LRP12: variants seen among roughly 807,000 people sequenced by gnomAD.
The protein encoded by LRP12 is LDL receptor related protein 12.
LRP12 carries 14 observed loss-of-function variants against 66.0 expected under a neutral mutation model. The observed-to-expected ratio is 0.21, with a 90% CI of 0.14 to 0.33. The LOEUF (loss-of-function observed/expected upper bound fraction) is 0.33, where lower values mean the gene tolerates loss of function less well. Ranked by LOEUF, LRP12 falls within the 10% of genes least tolerant of loss-of-function variation. LRP12 has a pLI of 1.00. For missense variants in LRP12, 889 were observed against 1,053.4 expected, an observed-to-expected ratio of 0.84 and a Z score of 2.16; for synonymous variants, 357 against 359.1, an observed-to-expected ratio of 0.99 and a Z score of 0.07.
chr8:104,497,222 C>T lies in LRP12; in HGVS notation c.1330G>A (p.Asp444Asn). Residue 444 changes from aspartate to asparagine, a missense_variant, in exon 5 of 7, where the codon GAT becomes AAT. Around this residue, in one of 3 missense-constraint regions of LRP12, gnomAD observed 800 missense variants for 964.5 expected, o/e 0.83. Coordinates refer to ENST00000276654, the MANE Select transcript of LRP12 (RefSeq NM_013437.5). This position sits in a 1 kb window ranked among gnomAD's most constrained non-coding sequence, Gnocchi z 4.3. ...TGGCAAAAAAAGCAGTTTTTTTCAT[C>T]TGAGCCATTTGGGCAATGATTCTGG... ...NYQNHCPNGS[D>N]EKNCFFCQPG... 2 of 1,612,724 alleles carry T rather than the reference C, an allele frequency of 1.2e-6. No individual in the cohort carries two copies. Among genetic ancestry groups the T allele is most frequent in the Non-Finnish European group, 1.7e-6 (2 of 1,179,442 alleles).
intron 1 of LRP12, among the ~76,000 whole-genome samples, chr8:104,583,489 C>T (rs1812286649): frequency 1.3e-5 from 2 of 152,174 alleles, no homozygotes. Flanking sequence ...CCCCTAATTA[C>T]TCTGTGCCTG....
intron 2 of LRP12, among the ~76,000 whole-genome samples, chr8:104,529,805 T>G (rs908512388): frequency 6.6e-6 from 1 of 152,210 alleles, no homozygotes; most frequent in Non-Finnish European, 1.5e-5. Context: ...GATTCCACAT[T>G]GCAACTAACC....
At chr8:104,571,661 A>G (rs1812082200) in intron 1 of LRP12, among the ~76,000 whole-genome samples, 1 of 152,194 alleles carries the variant, frequency 6.6e-6, no homozygotes, top group African/African-American at 2.4e-5. Flanking sequence ...TTTCCTTTAT[A>G]AATGACCTGG....
At chr8:104,520,246 T>A (rs1009962897) in intron 2 of LRP12, among the ~76,000 whole-genome samples, 71 of 152,194 alleles carry the variant, frequency 4.7e-4, no homozygotes, top group African/African-American at 1.6e-3. Flanking sequence ...TATGCCTTTT[T>A]TAAAGGGCTT....
intron 3 of LRP12, among the ~76,000 whole-genome samples, chr8:104,500,175 A>T (rs1006591581): frequency 6.6e-6 from 1 of 152,228 alleles, no homozygotes. Context: ...ACAGAAAATT[A>T]GTCACTGCTT....
intron 1 of LRP12, among the ~76,000 whole-genome samples, chr8:104,570,849 G>A (rs1290059812): frequency 6.6e-6 from 1 of 151,964 alleles, no homozygotes; most frequent in Non-Finnish European, 1.5e-5. Flanking sequence ...AGATTCAGAG[G>A]GGGGAAAAAT....
intron 1 of LRP12, among the ~76,000 whole-genome samples, chr8:104,560,549 T>C (rs775353739): frequency 5.3e-5 from 8 of 152,192 alleles, no homozygotes; most frequent in Non-Finnish European, 7.3e-5. Context: ...TATATGAGCC[T>C]TGACATCAAA....
At chr8:104,516,622 T>C (rs904480841) in intron 2 of LRP12, among the ~76,000 whole-genome samples, 1 of 152,118 alleles carries the variant, frequency 6.6e-6, no homozygotes, top group Admixed American at 6.6e-5. Flanking sequence ...TTTTTACTTA[T>C]ACTATTTTAA....
At chr8:104,583,736 A>G (rs542471768) in intron 1 of LRP12, among the ~76,000 whole-genome samples, 4 of 152,320 alleles carry the variant, frequency 2.6e-5, no homozygotes, top group African/African-American at 9.6e-5. Flanking sequence ...CAGTTAAGTC[A>G]CAATATTTCT....
intron 1 of LRP12, among the ~76,000 whole-genome samples, chr8:104,579,134 T>C (rs1022275379): frequency 2.6e-5 from 4 of 152,042 alleles, no homozygotes; most frequent in African/African-American, 7.3e-5. Flanking sequence ...AGAGAGGATG[T>C]CAAATTATCC....
chr8:104,553,125 TGGGGA>T (rs1005098297), intron 1 of LRP12, among the ~76,000 whole-genome samples: 4 of 151,988 alleles, frequency 2.6e-5, no homozygotes, highest in African/African-American at 4.8e-5. Context: ...CAGGGGTCCT[TGGGGA>T]GGGCTGCCAG....
rs373882364 is a variant in LRP12 at position 104,530,065 on chromosome 8, GT to G, written c.136+1841del. 3.7e-3 allele frequency among the ~76,000 whole-genome samples: 569 copies of G among 151,992 alleles called. 5 individuals are homozygous for G. The highest frequency in any genetic ancestry group is 6.1e-3 in the Non-Finnish European group (416 of 67,962). ...ATTATAAAACAATGCTGTTCTTATT[GT>G]TTTTTGTTTTGAAATATATATTTTT... On this transcript the variant is annotated intron_variant, in intron 2 of 6. Transcript: ENST00000276654.
intron 1 of LRP12, among the ~76,000 whole-genome samples, chr8:104,541,596 T>G (rs1318578062): frequency 6.6e-6 from 1 of 152,224 alleles, no homozygotes; most frequent in Non-Finnish European, 1.5e-5. Context: ...ACCACCACCA[T>G]CTAATGCCTG....
chr8:104,499,632 G>C, intron 3 of LRP12, 113 bp from the exon 4 acceptor site: 2 of 624,534 alleles, frequency 3.2e-6, no homozygotes, highest in Non-Finnish European at 2.7e-6. Flanking sequence ...TGATTCTCCT[G>C]GGTTTTCTAG....
Position 104,498,081 on chromosome 8 carries a change from G to A in LRP12, c.476-5C>T, listed in dbSNP as rs751180167. On this transcript the variant is annotated splice_polypyrimidine_tract_variant and splice_region_variant and intron_variant, in intron 4 of 6. Coordinates refer to ENST00000276654, the MANE Select transcript of LRP12 (RefSeq NM_013437.5). Reference sequence around the variant, plus strand: ...AATTTGGTTCCTCAGATTTCCCTGTGAAGATGTGAGTAGAAATAGATGGAA... The same window carrying A: ...AATTTGGTTCCTCAGATTTCCCTGTAAAGATGTGAGTAGAAATAGATGGAA... 1 of 1,574,906 alleles carries A rather than the reference G, an allele frequency of 6.3e-7. No homozygotes were observed. Among genetic ancestry groups the A allele is most frequent in the East Asian group, 2.2e-5 (1 of 44,528 alleles).
At chr8:104,572,448 A>T (rs1237696444) in intron 1 of LRP12, among the ~76,000 whole-genome samples, 1 of 152,204 alleles carries the variant, frequency 6.6e-6, no homozygotes. Context: ...ACCAGCTAAA[A>T]AATCAACAAA....
intron 2 of LRP12, among the ~76,000 whole-genome samples, chr8:104,518,464 A>G (rs936707461): frequency 1.3e-5 from 2 of 152,050 alleles, no homozygotes; most frequent in Admixed American, 1.3e-4. Context: ...CGAACTCCCT[A>G]TAACATCTGG....
At chr8:104,573,272 A>G (rs896416006) in intron 1 of LRP12, among the ~76,000 whole-genome samples, 1 of 152,158 alleles carries the variant, frequency 6.6e-6, no homozygotes, top group African/African-American at 2.4e-5. Context: ...CTACTTTTTG[A>G]GCAAATTAGT....
At chr8:104,519,490 T>C (rs1463639542) in intron 2 of LRP12, among the ~76,000 whole-genome samples, 1 of 152,080 alleles carries the variant, frequency 6.6e-6, no homozygotes, top group Non-Finnish European at 1.5e-5. Flanking sequence ...GCATACATAC[T>C]GGTTGAACAT....
Sources: allele counts gnomAD v4.1 joint callset (sites outside exome capture counted in the v4.1 genomes callset), GRCh38; gene constraint gnomAD v4.1.1; regional missense constraint gnomAD v4.1.1; non-coding constraint Gnocchi (gnomAD v3.1); transcripts MANE v1.5; gene names NCBI Gene and HGNC (gene_info 2026-07-23, HGNC 2026-07-21).